The following SULT2B1 variants were observed in gnomAD, a reference collection of about 807,000 sequenced individuals.
SULT2B1 encodes the protein sulfotransferase 2B1.
SULT2B1 carries 16 observed loss-of-function variants against 33.2 expected under a neutral mutation model. The observed-to-expected ratio is 0.48, with a 90% confidence interval of 0.33 to 0.73. SULT2B1 has a LOEUF of 0.73. Ranked by LOEUF, SULT2B1 falls within the 30% of genes least tolerant of loss-of-function variation. The pLI, the probability that SULT2B1 is intolerant of heterozygous loss-of-function variation, is 0.02. For synonymous variants in SULT2B1, 186 were observed against 200.5 expected, an observed-to-expected ratio of 0.93 and a Z score of 0.61; for missense variants, 500 against 506.0, an observed-to-expected ratio of 0.99 and a Z score of 0.11.
At chr19:48,572,462 T>G (rs186014611) in intron 1 of SULT2B1, among the ~76,000 whole-genome samples, 1 of 151,342 alleles carries the variant, frequency 6.6e-6, no homozygotes, top group Non-Finnish European at 1.5e-5. Flanking sequence ...TGCAGTGAGC[T>G]GAGATCACAC....
intron 1 of SULT2B1, among the ~76,000 whole-genome samples, chr19:48,553,183 C>G (rs1440632977): frequency 1.3e-5 from 2 of 152,196 alleles, no homozygotes; most frequent in African/African-American, 4.8e-5. Context: ...TCTCCAACCC[C>G]TCGTATCTTG....
At chr19:48,558,856 T>G (rs1247169308) in intron 1 of SULT2B1, among the ~76,000 whole-genome samples, 1 of 151,734 alleles carries the variant, frequency 6.6e-6, no homozygotes, top group Admixed American at 6.6e-5. Context: ...GGCTAAATTT[T>G]TGTATTTTTA....
At chr19:48,579,077 G>A (rs1463522019) in intron 2 of SULT2B1, among the ~76,000 whole-genome samples, 2 of 151,968 alleles carry the variant, frequency 1.3e-5, no homozygotes, top group African/African-American at 2.4e-5. Flanking sequence ...GTGGCCTCTT[G>A]TGTCTGGTTT....
intron 1 of SULT2B1, among the ~76,000 whole-genome samples, chr19:48,574,782 A>C (rs949547553): frequency 6.6e-6 from 1 of 152,246 alleles, no homozygotes; most frequent in Non-Finnish European, 1.5e-5. Flanking sequence ...GCCAAGGCCC[A>C]GCAGGCGCTC....
chr19:48,584,340 GGGGT>G (rs1973535209), intron 2 of SULT2B1, among the ~76,000 whole-genome samples: 3 of 152,134 alleles, frequency 2.0e-5, no homozygotes, highest in Non-Finnish European at 4.4e-5. Context: ...GCTAGGGGGA[GGGGT>G]AAACGTCACT....
At chr19:48,554,587 C>T (rs554977466) in intron 1 of SULT2B1, among the ~76,000 whole-genome samples, 1 of 147,624 alleles carries the variant, frequency 6.8e-6, no homozygotes, top group Non-Finnish European at 1.5e-5. Flanking sequence ...CAGTGAATTC[C>T]TCAGCGCCCA....
chr19:48,556,232 C>T (rs1055252852), intron 1 of SULT2B1, among the ~76,000 whole-genome samples: 5 of 152,282 alleles, frequency 3.3e-5, no homozygotes, highest in East Asian at 1.9e-4. Flanking sequence ...CAGACACCCA[C>T]GCCAGGTCCC....
In SULT2B1 at chr19:48,592,988, A is replaced by G. The variant is rs34042576; in HGVS notation, c.645+172A>G. The stretch of plus-strand genomic sequence containing the variant: ...GCCCTGAGCCTGTGAGCAAGACCAC[A>G]GACAAAATCCCTAAACCACACAGCA... On this transcript the variant is annotated intron_variant, in intron 5 of 6. Transcript: ENST00000201586. Among the ~76,000 whole-genome samples, 56 of 152,174 alleles carry G rather than the reference A, an allele frequency of 3.7e-4. 1 individual carries two copies. The highest frequency in any genetic ancestry group is 1.4e-3 in the African/African-American group (56 of 41,448).
chr19:48,566,042 A>T (rs1973239558), intron 1 of SULT2B1, among the ~76,000 whole-genome samples: 1 of 151,716 alleles, frequency 6.6e-6, no homozygotes. Context: ...CCTCCCAAGT[A>T]GCTGGGACTA....
Position 48,599,226 on chromosome 19 carries a change from C to T in SULT2B1, c.918C>T (p.Thr306=). 1 of 1,608,766 alleles carries T rather than the reference C, an allele frequency of 6.2e-7. No homozygotes were observed. The highest frequency in any genetic ancestry group is 8.5e-7 in the Non-Finnish European group (1 of 1,178,512). The change falls in exon 7 of 7, where the codon ACC becomes ACT. Residue 306 remains threonine, a synonymous_variant. Transcript: ENST00000201586. The surrounding 1 kb of genome is among the most constrained non-coding windows in gnomAD (Gnocchi z 4.1). The stretch of plus-strand genomic sequence containing the variant: ...GCAAGCAGATGCGGGGGATGCCGAC[C>T]TTCCCCTGGGATGAAGACCCGGAGG... ...AYRKQMRGMP[T]FPWDEDPEED... is the part of the protein sequence containing the mutation.
rs1436308209 is a variant in SULT2B1, at chr19:48,573,000, T to G, written c.72-2941T>G. Among the ~76,000 whole-genome samples, 3 of 151,742 alleles carry G rather than the reference T, an allele frequency of 2.0e-5. No individual in the cohort carries two copies. In the East Asian group the frequency reaches 5.8e-4, roughly 29 times the overall value. On this transcript the variant is annotated intron_variant, in intron 1 of 6. Coordinates refer to ENST00000201586, the MANE Select transcript of SULT2B1 (RefSeq NM_177973.2). ...GGTGAAACCCTATGTCTACTAAAAA[T>G]ACAAAAATCAGTTGGGCGTGACGAC...
intron 5 of SULT2B1, among the ~76,000 whole-genome samples, chr19:48,594,154 G>C (rs1340433440): frequency 3.3e-5 from 5 of 151,910 alleles, no homozygotes; most frequent in Non-Finnish European, 5.9e-5. Flanking sequence ...CCAGCTACTC[G>C]GGAGGCTGAG....
At chr19:48,562,681 T>C (rs1056982985) in intron 1 of SULT2B1, among the ~76,000 whole-genome samples, 1 of 152,222 alleles carries the variant, frequency 6.6e-6, no homozygotes, top group Admixed American at 6.6e-5. Flanking sequence ...TAGACTTTAT[T>C]TATTTATTTA....
In SULT2B1 at chr19:48,599,263, C is replaced by T. The variant is rs763671518; in HGVS notation, c.955C>T (p.Pro319Ser). 1.9e-6 allele frequency: 3 copies of T among 1,610,922 alleles called. No homozygotes were observed. Among genetic ancestry groups the T allele is most frequent in the South Asian group, 1.1e-5 (1 of 90,512 alleles). The change falls in exon 7 of 7, where the codon CCA (proline) becomes TCA (serine). Residue 319 changes from proline (P) to serine (S), a missense_variant. Coordinates refer to ENST00000201586, the MANE Select transcript of SULT2B1 (RefSeq NM_177973.2). This position sits in a 1 kb window ranked among gnomAD's most constrained non-coding sequence, Gnocchi z 4.1. ...TGAAGACCCGGAGGAGGACGGCAGC[C>T]CAGATCCTGAGCCCAGCCCTGAGCC... ...WDEDPEEDGSPDPEPSPEPEP... is the reference protein window; with the variant it reads ...WDEDPEEDGSSDPEPSPEPEP...
chr19:48,577,694 A>G (rs574233974), intron 2 of SULT2B1, among the ~76,000 whole-genome samples: 1 of 151,970 alleles, frequency 6.6e-6, no homozygotes, highest in Non-Finnish European at 1.5e-5. Context: ...AAATAACAAA[A>G]ACTCTTCCTT....
At position 48,576,359 on chromosome 19, in the gene SULT2B1, C is replaced by CTTTTCTTTCTTTTTT; in HGVS notation, c.214+280_214+281insCTTTCTTTTTTTTTT. On this transcript the variant is annotated intron_variant, in intron 2 of 6. Coordinates refer to ENST00000201586, the MANE Select transcript of SULT2B1 (RefSeq NM_177973.2). ...CCTTTCCCCTTTACCCTCTACTTCT[C>CTTTTCTTTCTTTTTT]TTTTTTTTTTTTTTTTTTGTAGAGA... Among the ~76,000 whole-genome samples, 48 of 96,702 alleles carry CTTTTCTTTCTTTTTT rather than the reference C, an allele frequency of 5.0e-4. 2 individuals are homozygous for CTTTTCTTTCTTTTTT. The highest frequency in any genetic ancestry group is 9.0e-4 in the African/African-American group (21 of 23,304). 63.4% of individuals were successfully genotyped at this position (96,702 alleles called of 152,430 possible). A position where few individuals can be genotyped will look rare whatever the true frequency, so the allele number is the denominator to read the frequency against.
intron 1 of SULT2B1, 29 bp from the exon 2 acceptor site, chr19:48,575,912 C>T: frequency 6.2e-7 from 1 of 1,602,188 alleles, no homozygotes; most frequent in Non-Finnish European, 8.5e-7. Flanking sequence ...CCTACTCTCC[C>T]TCATGGCGTC....
chr19:48,591,869 G>A, intron 4 of SULT2B1, 134 bp downstream of exon 4: 2 of 1,058,242 alleles, frequency 1.9e-6, no homozygotes, highest in East Asian at 3.0e-5. Flanking sequence ...AATAGAGACA[G>A]AGAGCAGGTG....
At chr19:48,572,667 C>G (rs1973346272) in intron 1 of SULT2B1, among the ~76,000 whole-genome samples, 2 of 152,170 alleles carry the variant, frequency 1.3e-5, no homozygotes, top group Middle Eastern at 6.8e-3. Context: ...AGGCTTTGAC[C>G]TGAGGGCACT....
Sources: allele counts gnomAD v4.1 joint callset (sites outside exome capture counted in the v4.1 genomes callset), GRCh38; gene constraint gnomAD v4.1.1; non-coding constraint Gnocchi (gnomAD v3.1); transcripts MANE v1.5; gene names NCBI Gene and HGNC (gene_info 2026-07-23, HGNC 2026-07-21).